CACNA2D3: variants seen among roughly 807,000 people sequenced by gnomAD.
CACNA2D3 encodes calcium voltage-gated channel auxiliary subunit alpha2delta 3, also known as voltage-dependent calcium channel subunit alpha-2/delta-3.
In CACNA2D3, 60 loss-of-function variants were observed where a neutral mutation model predicts 160.6. That is an observed-to-expected ratio of 0.37 (90% CI 0.30 to 0.46). The LOEUF (loss-of-function observed/expected upper bound fraction) is 0.46. CACNA2D3 is among the 20% of genes least tolerant of loss of function. CACNA2D3 has a pLI of 1.00. For synonymous variants in CACNA2D3, 558 were observed against 492.9 expected, an observed-to-expected ratio of 1.13 and a Z score of -1.75; for missense variants, 1,205 against 1,365.0, an observed-to-expected ratio of 0.88 and a Z score of 1.85.
chr3:54,567,406 T>C (rs879578741), intron 6 of CACNA2D3, among the ~76,000 whole-genome samples: 1 of 152,226 alleles, frequency 6.6e-6, no homozygotes, highest in African/African-American at 2.4e-5. Context: ...CACCCCTTGA[T>C]TTTCCTTCTT....
chr3:54,679,374 G>T (rs1034952357), intron 11 of CACNA2D3, among the ~76,000 whole-genome samples: 1 of 152,158 alleles, frequency 6.6e-6, no homozygotes, highest in Non-Finnish European at 1.5e-5. Flanking sequence ...TCTCACCTTA[G>T]ATAGATGCTA....
chr3:55,005,828 T>G (rs1703082313), intron 32 of CACNA2D3, among the ~76,000 whole-genome samples: 1 of 152,216 alleles, frequency 6.6e-6, no homozygotes, highest in South Asian at 2.1e-4. Context: ...AATATAACCC[T>G]TACAATGTTA....
In CACNA2D3 at chr3:54,315,977, A is replaced by G. The variant is rs1191361196; in HGVS notation, c.205-4465A>G. On this transcript the variant is annotated intron_variant, in intron 2 of 37. Coordinates refer to ENST00000474759, the MANE Select transcript of CACNA2D3 (RefSeq NM_018398.3). ...TAGTCATTGAAAAATTAGAAAATAA[A>G]GGTAAGCAAAAGAAGAAAGAAAAAA... is the stretch of plus-strand genomic sequence containing the variant. 4.6e-5 allele frequency among the ~76,000 whole-genome samples: 7 copies of G among 152,236 alleles called. 1 individual carries two copies. The highest frequency in any genetic ancestry group is 4.1e-4 in the South Asian group (2 of 4,830).
At chr3:54,293,125 G>A (rs551041959) in intron 2 of CACNA2D3, among the ~76,000 whole-genome samples, 15 of 152,336 alleles carry the variant, frequency 9.8e-5, no homozygotes, top group Non-Finnish European at 1.8e-4. Context: ...TGGAATAGGC[G>A]AATTCCTAGA....
chr3:54,496,276 A>G (rs746592208), intron 4 of CACNA2D3, among the ~76,000 whole-genome samples: 3 of 152,222 alleles, frequency 2.0e-5, no homozygotes, highest in Non-Finnish European at 2.9e-5. Context: ...CAAGCAATAT[A>G]TGAGATATTT....
intron 5 of CACNA2D3, among the ~76,000 whole-genome samples, chr3:54,553,448 C>T (rs371372831): frequency 3.9e-5 from 6 of 152,238 alleles, no homozygotes; most frequent in South Asian, 4.1e-4. Flanking sequence ...ATTTCATAGC[C>T]GAGAGGTGCA....
At chr3:54,894,814 G>C (rs2106875778) in intron 25 of CACNA2D3, 1 of 384,356 alleles carries the variant, frequency 2.6e-6, no homozygotes, top group Non-Finnish European at 5.2e-6. Flanking sequence ...ATGACTTTTA[G>C]ATTAGGAAAC....
chr3:54,340,036 GA>G (rs1704479684), intron 3 of CACNA2D3, among the ~76,000 whole-genome samples: 1 of 152,132 alleles, frequency 6.6e-6, no homozygotes. Flanking sequence ...CACTTTTCAG[GA>G]TGACAAAGGA....
intron 2 of CACNA2D3, among the ~76,000 whole-genome samples, chr3:54,190,651 T>G (rs1032450304): frequency 6.6e-6 from 1 of 152,256 alleles, no homozygotes; most frequent in African/African-American, 2.4e-5. Context: ...TCTTTCACTT[T>G]GATGCCATTG....
intron 2 of CACNA2D3, among the ~76,000 whole-genome samples, chr3:54,195,068 C>T (rs1701053762): frequency 6.6e-6 from 1 of 152,198 alleles, no homozygotes; most frequent in Admixed American, 6.5e-5. Context: ...CTGTCAATTA[C>T]AGCCAGCCCT....
intron 35 of CACNA2D3, among the ~76,000 whole-genome samples, chr3:55,069,012 T>C (rs1704737453): frequency 6.6e-6 from 1 of 152,248 alleles, no homozygotes. Context: ...TTATTTGATA[T>C]TATCATAGAC....
chr3:54,934,541 G>A (rs970406999), intron 27 of CACNA2D3, among the ~76,000 whole-genome samples: 7 of 152,134 alleles, frequency 4.6e-5, no homozygotes, highest in Admixed American at 1.3e-4. Context: ...TAAAATTAGT[G>A]GAGTAGTGGG....
rs374673357 is a variant in CACNA2D3 at position 54,826,230 on chromosome 3, A to C, written c.1398+9360A>C. Among the ~76,000 whole-genome samples the C allele has an allele frequency of 1.8e-4, 28 of 152,206 alleles. 1 individual carries two copies. The highest frequency in any genetic ancestry group is 6.7e-4 in the African/African-American group (28 of 41,544). On this transcript the variant is annotated intron_variant, in intron 14 of 37. Coordinates refer to ENST00000474759, the MANE Select transcript of CACNA2D3 (RefSeq NM_018398.3). ...ATTAATGGATATATATCCATTACAA[A>C]CCCAAATGTAGCCCACTTCCATGAG...
chr3:54,351,146 T>C (rs1414996831), intron 3 of CACNA2D3, among the ~76,000 whole-genome samples: 1 of 151,804 alleles, frequency 6.6e-6, no homozygotes, highest in Non-Finnish European at 1.5e-5. Context: ...CATGCCCGGC[T>C]AATTTTTGTA....
rs1053914351 is a variant in CACNA2D3, at chr3:54,871,198, C to T, written c.1627-341C>T. On this transcript the variant is annotated intron_variant, in intron 17 of 37. Coordinates refer to ENST00000474759, the MANE Select transcript of CACNA2D3 (RefSeq NM_018398.3). ...ATAGGTGGAGACACACACACACACACACACACACACACACACACACACACA... is the reference window on the plus strand; with the variant it reads ...ATAGGTGGAGACACACACACACACATACACACACACACACACACACACACA... 2.5e-3 allele frequency among the ~76,000 whole-genome samples: 269 copies of T among 106,326 alleles called. 2 individuals carry two copies. The highest frequency in any genetic ancestry group is 0.012 in the African/African-American group (258 of 20,936). The allele number at this position is 106,326 out of a possible 152,430, so 69.8% of individuals were successfully genotyped here. A position where few individuals can be genotyped will look rare whatever the true frequency, so the allele number is the denominator to read the frequency against.
chr3:54,810,569 G>T (rs1350911030), intron 13 of CACNA2D3, among the ~76,000 whole-genome samples: 2 of 152,224 alleles, frequency 1.3e-5, no homozygotes, highest in African/African-American at 4.8e-5. Flanking sequence ...TCATTCATGA[G>T]GCCCGAGGCA....
chr3:54,654,574 A>G (rs969399737), intron 11 of CACNA2D3, among the ~76,000 whole-genome samples: 1 of 152,140 alleles, frequency 6.6e-6, no homozygotes, highest in Admixed American at 6.5e-5. Flanking sequence ...GAGGAAAGAA[A>G]GAGGTTACTA....
At chr3:54,830,840 C>T (rs1703860651) in intron 14 of CACNA2D3, among the ~76,000 whole-genome samples, 1 of 152,018 alleles carries the variant, frequency 6.6e-6, no homozygotes, top group Non-Finnish European at 1.5e-5. Context: ...TCCAGGACCT[C>T]GTGCCTGCAA....
At chr3:54,254,905 G>A (rs1258306785) in intron 2 of CACNA2D3, among the ~76,000 whole-genome samples, 1 of 152,166 alleles carries the variant, frequency 6.6e-6, no homozygotes, top group Non-Finnish European at 1.5e-5. Context: ...GCATTAATAG[G>A]ACATCTTCCT....
Sources: gnomAD v4.1 joint callset for allele counts (sites outside exome capture counted in the v4.1 genomes callset) on GRCh38, gnomAD v4.1.1 for gene constraint, MANE v1.5 for transcripts, NCBI Gene and HGNC (gene_info 2026-07-23, HGNC 2026-07-21) for gene names.